Variants in WDR64 observed in about 807,000 individuals in gnomAD.
The protein encoded by WDR64 is WD repeat domain 64.
WDR64 carries 112 observed loss-of-function variants against 139.3 expected under a neutral mutation model. The observed-to-expected ratio is 0.80, with a 90% CI of 0.69 to 0.94. The LOEUF (loss-of-function observed/expected upper bound fraction) is 0.94, where lower values mean the gene tolerates loss of function less well. Among genes scored for constraint, WDR64 ranks in the 40% least tolerant of loss-of-function variants. WDR64 has a pLI of 0.00. For missense variants in WDR64, 1,206 were observed against 1,293.1 expected (o/e 0.93, Z 1.03); for synonymous variants, 444 against 437.7 (o/e 1.01, Z -0.18).
At chr1:241,767,559 GCAT>G (rs1658230118) in intron 16 of WDR64, among the ~76,000 whole-genome samples, 3 of 152,092 alleles carry the variant, frequency 2.0e-5, no homozygotes, top group African/African-American at 7.2e-5. Flanking sequence ...GTTTATCTAA[GCAT>G]TTGGGGGACG....
Position 241,656,234 on chromosome 1 carries a change from A to G in WDR64, c.145+3605A>G, listed in dbSNP as rs1665591338. Among the ~76,000 whole-genome samples, 1 of 152,206 alleles carries G rather than the reference A, an allele frequency of 6.6e-6. No homozygotes were observed. The highest frequency in any genetic ancestry group is 2.1e-4 in the South Asian group (1 of 4,830). ...TGGCACAAATTCATATTTATTAACCAATATTGGAAAATAAGGTCTCCCTCT... is the reference window on the plus strand; with the variant it reads ...TGGCACAAATTCATATTTATTAACCGATATTGGAAAATAAGGTCTCCCTCT... On this transcript the variant is annotated intron_variant, in intron 1 of 27. Transcript: ENST00000437684. The surrounding 1 kb of genome is among the most constrained non-coding windows in gnomAD (Gnocchi z 4.3).
intron 9 of WDR64, 147 bp from the exon 10 acceptor site, chr1:241,723,150 C>A: frequency 4.9e-6 from 5 of 1,019,324 alleles, no homozygotes; most frequent in Non-Finnish European, 6.9e-6. Flanking sequence ...AGCCCCTTAG[C>A]ACATCAATCA....
chr1:241,785,042 T>C (rs1356859858), intron 23 of WDR64, among the ~76,000 whole-genome samples: 1 of 151,150 alleles, frequency 6.6e-6, no homozygotes, highest in Non-Finnish European at 1.5e-5. Flanking sequence ...ATTATAGATG[T>C]TTTTAACAAC....
intron 1 of WDR64, among the ~76,000 whole-genome samples, chr1:241,655,195 C>T (rs952490543): frequency 1.4e-4 from 21 of 152,200 alleles, no homozygotes; most frequent in African/African-American, 4.6e-4. Flanking sequence ...CCAGCCTTGC[C>T]AACATGATGA....
chr1:241,754,320 CTTTTTTTT>C (rs71174845), intron 14 of WDR64, among the ~76,000 whole-genome samples: 4 of 81,846 alleles, frequency 4.9e-5, no homozygotes, highest in East Asian at 3.9e-4. Flanking sequence ...TTTTCTTTTT[CTTTTTTTT>C]TTTTTTTTTT....
At chr1:241,696,295 A>C (rs1449166260) in intron 8 of WDR64, among the ~76,000 whole-genome samples, 1 of 151,754 alleles carries the variant, frequency 6.6e-6, no homozygotes, top group Non-Finnish European at 1.5e-5. Flanking sequence ...CAGCTACTCA[A>C]TGACCTCACT....
chr1:241,789,522 A>G (rs1223642974), intron 24 of WDR64, among the ~76,000 whole-genome samples: 1 of 152,210 alleles, frequency 6.6e-6, no homozygotes, highest in Non-Finnish European at 1.5e-5. Context: ...TGTGGTACAT[A>G]TACACCACGA....
rs753765858 is a variant in WDR64, at chr1:241,744,385, T to C, written c.1471-8T>C. The C allele has an allele frequency of 5.0e-6, 8 of 1,613,590 alleles. No homozygotes were observed. Among genetic ancestry groups the C allele is most frequent in the South Asian group, 1.1e-5 (1 of 90,944 alleles). On this transcript the variant is annotated splice_polypyrimidine_tract_variant and splice_region_variant and intron_variant, in intron 12 of 27. Coordinates refer to ENST00000437684, the MANE Select transcript of WDR64 (RefSeq NM_001367482.1). Reference sequence around the variant, plus strand: ...CGGATTACTTGATATTTTCGTTCTTTCCCATAGGTATGGGAACTCGAGACT... The same window carrying C: ...CGGATTACTTGATATTTTCGTTCTTCCCCATAGGTATGGGAACTCGAGACT...
intron 9 of WDR64, among the ~76,000 whole-genome samples, chr1:241,722,593 G>C (rs1227710931): frequency 6.6e-6 from 1 of 151,234 alleles, no homozygotes; most frequent in East Asian, 1.9e-4. Context: ...GCGGGCATGA[G>C]CTCGTGGCCT....
rs541864979 is a variant in WDR64 at position 241,802,393 on chromosome 1, G to A, written c.*1178G>A. Among the ~76,000 whole-genome samples the A allele has an allele frequency of 2.0e-5, 3 of 152,212 alleles. No homozygotes were observed. Among genetic ancestry groups the A allele is most frequent in the African/African-American group, 7.2e-5 (3 of 41,542 alleles). On this transcript the variant is annotated 3_prime_UTR_variant, in exon 28 of 28. Transcript: ENST00000437684. Reference sequence around the variant, plus strand: ...AACAATGGTGGCCTCTGGAAGAGAGGGCAAATATCACAGAGAGATTTAGAG... The same window carrying A: ...AACAATGGTGGCCTCTGGAAGAGAGAGCAAATATCACAGAGAGATTTAGAG...
chr1:241,717,433 A>G (rs974717750), intron 9 of WDR64, among the ~76,000 whole-genome samples: 9 of 152,066 alleles, frequency 5.9e-5, no homozygotes, highest in African/African-American at 2.2e-4. Context: ...GGACCACAGA[A>G]ATCTGGTTTA....
chr1:241,802,195 C>A lies in WDR64; in HGVS notation c.*980C>A, dbSNP rs1244404786. On this transcript the variant is annotated 3_prime_UTR_variant, in exon 28 of 28. Coordinates refer to ENST00000437684, the MANE Select transcript of WDR64 (RefSeq NM_001367482.1). ...CTAAACAAACTATGGTAGGGTAGGA[C>A]AATGGAATCCTCAGCAATTAAAGGG... 2.5e-6 allele frequency: 1 copy of A among 397,712 alleles called. No homozygotes were observed. The highest frequency in any genetic ancestry group is 4.4e-6 in the Non-Finnish European group (1 of 225,784). The allele number at this position is 397,712 out of a possible 1,614,324, so 24.6% of individuals were successfully genotyped here.
At chr1:241,800,422 T>G (rs1252041419) in intron 27 of WDR64, among the ~76,000 whole-genome samples, 1 of 152,232 alleles carries the variant, frequency 6.6e-6, no homozygotes, top group African/African-American at 2.4e-5. Flanking sequence ...ATAACTGATA[T>G]GAATTTTTAA....
At chr1:241,794,743 G>C (rs981986630) in intron 25 of WDR64, among the ~76,000 whole-genome samples, 1 of 151,924 alleles carries the variant, frequency 6.6e-6, no homozygotes, top group Non-Finnish European at 1.5e-5. Context: ...TTTTGACCTC[G>C]TGATCTGCCC....
intron 27 of WDR64, among the ~76,000 whole-genome samples, chr1:241,798,794 T>C (rs1186099115): frequency 6.6e-6 from 1 of 152,220 alleles, no homozygotes; most frequent in Non-Finnish European, 1.5e-5. Context: ...TTTTTAAATA[T>C]AGAAATGCTA....
intron 8 of WDR64, among the ~76,000 whole-genome samples, chr1:241,701,265 CGTGCACAT>C (rs1217642381): frequency 6.7e-6 from 1 of 150,318 alleles, no homozygotes; most frequent in African/African-American, 2.5e-5. Context: ...CATACACATG[CGTGCACAT>C]GCGCGCACAC....
intron 10 of WDR64, among the ~76,000 whole-genome samples, chr1:241,725,397 C>T (rs1448709811): frequency 6.6e-6 from 1 of 151,938 alleles, no homozygotes; most frequent in Non-Finnish European, 1.5e-5. Context: ...CGGTTGCTTT[C>T]CCTCCACGTC....
chr1:241,694,835 A>G (rs893098830), intron 8 of WDR64, among the ~76,000 whole-genome samples: 2 of 152,216 alleles, frequency 1.3e-5, no homozygotes, highest in Admixed American at 6.5e-5. Flanking sequence ...GGTCATATAT[A>G]GCTTTTAGTC....
At chr1:241,714,663 A>C (rs1668331687) in intron 9 of WDR64, among the ~76,000 whole-genome samples, 1 of 152,200 alleles carries the variant, frequency 6.6e-6, no homozygotes, top group Non-Finnish European at 1.5e-5. Flanking sequence ...GCCTTCTATA[A>C]CACTAAACTG....
Sources: gnomAD v4.1 joint callset for allele counts (sites outside exome capture counted in the v4.1 genomes callset) on GRCh38, gnomAD v4.1.1 for gene constraint, Gnocchi (gnomAD v3.1) non-coding constraint, MANE v1.5 for transcripts, NCBI Gene and HGNC (gene_info 2026-07-23, HGNC 2026-07-21) for gene names.